The following RAB32 variants were observed in gnomAD, a reference collection of about 807,000 sequenced individuals.
The protein encoded by RAB32 is RAB32, member RAS oncogene family, also known as ras-related protein Rab-32.
In RAB32, 17 loss-of-function variants were observed where a neutral mutation model predicts 17.5. The observed-to-expected ratio is 0.97, with a 90% CI of 0.67 to 1.46. The LOEUF (loss-of-function observed/expected upper bound fraction) is 1.46. Ranked by LOEUF, RAB32 falls within the 40% of genes most tolerant of loss-of-function variation. The pLI, the probability that RAB32 is intolerant of heterozygous loss-of-function variation, is 0.00. For synonymous variants in RAB32, 115 were observed against 111.1 expected, an observed-to-expected ratio of 1.04 and a Z score of -0.22; for missense variants, 288 against 284.3, an observed-to-expected ratio of 1.01 and a Z score of -0.09.
At chr6:146,552,536 A>G (rs1196513667) in intron 2 of RAB32, among the ~76,000 whole-genome samples, 2 of 151,962 alleles carry the variant, frequency 1.3e-5, no homozygotes, top group Non-Finnish European at 2.9e-5. Context: ...CAGGTTTCAT[A>G]TGTGTGTGTG....
chr6:146,548,950 G>C (rs1407583017), intron 1 of RAB32, among the ~76,000 whole-genome samples: 1 of 152,160 alleles, frequency 6.6e-6, no homozygotes, highest in Non-Finnish European at 1.5e-5. Flanking sequence ...CTTGCATATT[G>C]AGTCAGAAGT....
intron 1 of RAB32, among the ~76,000 whole-genome samples, chr6:146,546,743 G>T (rs542196749): frequency 4.0e-4 from 60 of 149,036 alleles, no homozygotes; most frequent in Admixed American, 1.2e-3. Context: ...CCAGCTACTT[G>T]CCATAACTAA....
chr6:146,554,027 A>G (rs1562732292), intron 2 of RAB32, among the ~76,000 whole-genome samples: 1 of 152,190 alleles, frequency 6.6e-6, no homozygotes, highest in South Asian at 2.1e-4. Flanking sequence ...GAAAAATGAC[A>G]TGATACATTT....
chr6:146,554,897 C>T lies in RAB32; in HGVS notation c.*292C>T, dbSNP rs1430983031. The T allele has an allele frequency of 2.6e-5, 6 of 229,788 alleles. No individual in the cohort carries two copies. Among genetic ancestry groups the T allele is most frequent in the Non-Finnish European group, 5.1e-5 (6 of 117,902 alleles). The allele number at this position is 229,788 out of a possible 1,614,324, so 14.2% of individuals were successfully genotyped here. A position where few individuals can be genotyped will look rare whatever the true frequency, so the allele number is the denominator to read the frequency against. ...GACAATTCCTCAGGATTTGGTAAGG[C>T]TTCCAAGTTGTAGCTTTTAGTGTAA... is the stretch of plus-strand genomic sequence containing the variant. On this transcript the variant is annotated 3_prime_UTR_variant, in exon 3 of 3. Coordinates refer to ENST00000367495, the MANE Select transcript of RAB32 (RefSeq NM_006834.5).
At position 146,543,885 on chromosome 6, in the gene RAB32, G is replaced by A. The variant is rs762312390; in HGVS notation, c.14G>A (p.Gly5Glu). The change falls in exon 1 of 3, where the codon GGA becomes GAA. Residue 5 changes from glycine (G) to glutamate (E), a missense_variant. Transcript: ENST00000367495. ...GCCGCAGCGCTCATGGCGGGCGGAG[G>A]AGCCGGGGACCCCGGCCTGGGGGCG... MAGG[G>E]AGDPGLGAAA... is the part of the protein sequence containing the mutation. 5.1e-5 allele frequency: 76 copies of A among 1,483,178 alleles called. No homozygotes were observed. The African/African-American group carries it at 6.2e-4, about 12-fold the overall frequency. 91.9% of individuals were successfully genotyped at this position (1,483,178 alleles called of 1,614,324 possible).
Position 146,552,442 on chromosome 6 carries a change from T to G in RAB32, c.529-2014T>G, listed in dbSNP as rs368515843. ...AGCACAGCTGTTTTAGGTTTCTTGT[T>G]GTCTGAGAAAGGGTTTACAAATAAG... On this transcript the variant is annotated intron_variant, in intron 2 of 2. Transcript: ENST00000367495. 2.2e-4 allele frequency among the ~76,000 whole-genome samples: 33 copies of G among 152,260 alleles called. No homozygotes were observed. In the East Asian group the frequency reaches 6.0e-3, roughly 28 times the overall value.
intron 1 of RAB32, among the ~76,000 whole-genome samples, chr6:146,546,443 CA>C (rs199999617): frequency 2.1e-4 from 30 of 146,206 alleles, no homozygotes; most frequent in Admixed American, 8.2e-4. Flanking sequence ...AAAAAAAAAA[CA>C]AAAAAAACTG....
At chr6:146,552,443 G>A (rs1306843084) in intron 2 of RAB32, among the ~76,000 whole-genome samples, 4 of 152,130 alleles carry the variant, frequency 2.6e-5, no homozygotes. Context: ...GTTTCTTGTT[G>A]TCTGAGAAAG....
intron 2 of RAB32, among the ~76,000 whole-genome samples, chr6:146,550,732 G>GT (rs1779887021): frequency 6.9e-6 from 1 of 145,658 alleles, no homozygotes. Context: ...TTTGGGGGGG[G>GT]GGTTACGTGC....
At chr6:146,549,893 A>G in intron 2 of RAB32, 152 bp downstream of exon 2, 3 of 885,694 alleles carry the variant, frequency 3.4e-6, no homozygotes, top group Admixed American at 3.1e-5. Context: ...CTTTCAGTCC[A>G]CAACAGGACT....
At position 146,544,008 on chromosome 6, in the gene RAB32, TC is replaced by T; in HGVS notation, c.139del (p.His47ThrfsTer45). The T allele has an allele frequency of 6.2e-7, 1 of 1,613,810 alleles. No homozygotes were observed. Among genetic ancestry groups the T allele is most frequent in the Non-Finnish European group, 8.5e-7 (1 of 1,179,914 alleles). On this transcript the variant is annotated frameshift_variant, in exon 1 of 3. Transcript: ENST00000367495. LOFTEE classifies it high-confidence loss of function. ...AAGACCAGCATCATCAAGCGCTACGTCCACCAGCTCTTCTCCCAGCACTACC... is the reference window on the plus strand; with the variant it reads ...AAGACCAGCATCATCAAGCGCTACGTCACCAGCTCTTCTCCCAGCACTACC... ...VGKTSIIKRY[V>X]HQLFSQHYRA... is the part of the protein sequence containing the mutation.
chr6:146,554,362 C>G (rs1475804607), intron 2 of RAB32, 94 bp from the exon 3 acceptor site: 3 of 1,333,386 alleles, frequency 2.2e-6, no homozygotes, highest in Admixed American at 2.7e-5. Flanking sequence ...GCTGCCACCT[C>G]TAACAAATTT....
chr6:146,551,165 G>A (rs1779893743), intron 2 of RAB32, among the ~76,000 whole-genome samples: 1 of 152,166 alleles, frequency 6.6e-6, no homozygotes, highest in African/African-American at 2.4e-5. Context: ...AGGCAGAAAT[G>A]TACACTCCTA....
intron 2 of RAB32, among the ~76,000 whole-genome samples, chr6:146,552,118 T>C (rs1408363762): frequency 6.6e-6 from 1 of 152,142 alleles, no homozygotes; most frequent in Non-Finnish European, 1.5e-5. Flanking sequence ...GCAAATAAAT[T>C]TCATCATTTC....
Position 146,549,560 on chromosome 6 carries a change from C to T in RAB32, c.347C>T (p.Ala116Val). The change falls in exon 2 of 3, where the codon GCA becomes GTA. Residue 116 changes from alanine (A) to valine (V), a missense_variant. Ala to Val is a moderately conservative substitution (Grantham distance 64). Transcript: ENST00000367495. ...FDISRSSTFEAVLKWKSDLDS... is the reference protein window; with the variant it reads ...FDISRSSTFEVVLKWKSDLDS... ...ATATCAAGAAGTTCCACATTTGAGG[C>T]AGTCTTAAAATGGAAAAGTGATCTG... is the stretch of plus-strand genomic sequence containing the variant. The T allele has an allele frequency of 6.2e-7, 1 of 1,614,110 alleles. No individual in the cohort carries two copies. The highest frequency in any genetic ancestry group is 1.7e-5 in the Admixed American group (1 of 60,026).
chr6:146,553,532 A>G (rs998348534), intron 2 of RAB32, among the ~76,000 whole-genome samples: 12 of 152,278 alleles, frequency 7.9e-5, no homozygotes, highest in African/African-American at 2.9e-4. Flanking sequence ...AGGTCATGAA[A>G]AGCAAGGAGA....
chr6:146,552,989 A>T (rs9497570), intron 2 of RAB32, among the ~76,000 whole-genome samples: 3,064 of 152,354 alleles, frequency 0.02, 89 homozygotes, highest in African/African-American at 0.069. Flanking sequence ...CAACTTATAG[A>T]GTAAACTAAT....
intron 2 of RAB32, among the ~76,000 whole-genome samples, chr6:146,553,405 G>A (rs1336481653): frequency 6.6e-6 from 1 of 152,136 alleles, no homozygotes; most frequent in South Asian, 2.1e-4. Context: ...ACTGTGCAGG[G>A]TACATCACTT....
intron 1 of RAB32, among the ~76,000 whole-genome samples, chr6:146,548,578 A>G (rs1159665535): frequency 6.6e-6 from 1 of 152,202 alleles, no homozygotes; most frequent in East Asian, 1.9e-4. Context: ...CAGAAAGGCT[A>G]GCATCCCACT....
Sources: gnomAD v4.1 joint callset for allele counts (sites outside exome capture counted in the v4.1 genomes callset) on GRCh38, gnomAD v4.1.1 for gene constraint, MANE v1.5 for transcripts, NCBI Gene and HGNC (gene_info 2026-07-23, HGNC 2026-07-21) for gene names.